Variants in KIAA0753 observed in about 807,000 individuals in gnomAD.
KIAA0753 encodes the protein protein moonraker.
Under a neutral mutation model 116.9 loss-of-function variants are expected in KIAA0753, and 114 were observed. That is an observed-to-expected ratio of 0.98 (90% CI 0.84 to 1.14). KIAA0753 has a LOEUF of 1.14. Among genes scored for constraint, KIAA0753 ranks in the 50% most tolerant of loss-of-function variants. The pLI, the probability that KIAA0753 is intolerant of heterozygous loss-of-function variation, is 0.00. For synonymous variants in KIAA0753, 405 were observed against 413.1 expected (o/e 0.98, Z 0.24); for missense variants, 1,156 against 1,172.4 (o/e 0.99, Z 0.20).
At chr17:6,621,716 C>T (rs1448142918) in intron 6 of KIAA0753, among the ~76,000 whole-genome samples, 1 of 152,160 alleles carries the variant, frequency 6.6e-6, no homozygotes, top group Non-Finnish European at 1.5e-5. Context: ...GTTAAAGGTA[C>T]TCTTACTCAA....
intron 7 of KIAA0753, among the ~76,000 whole-genome samples, chr17:6,616,403 CTAT>C (rs5819122): frequency 0.077 from 11,733 of 152,254 alleles, 526 homozygotes; most frequent in Non-Finnish European, 0.11. Context: ...TAACTTGGTG[CTAT>C]TATTAAGAAC....
chr17:6,621,360 C>CA (rs1480692952), intron 6 of KIAA0753, among the ~76,000 whole-genome samples: 1 of 152,194 alleles, frequency 6.6e-6, no homozygotes, highest in Non-Finnish European at 1.5e-5. Flanking sequence ...CTCATAAACT[C>CA]AGTCTTTTAA....
intron 7 of KIAA0753, among the ~76,000 whole-genome samples, chr17:6,617,733 C>T (rs905517232): frequency 6.6e-6 from 1 of 152,234 alleles, no homozygotes; most frequent in Non-Finnish European, 1.5e-5. Context: ...TCCCATCCTC[C>T]ATCCTCCAGG....
At chr17:6,587,585 G>A (rs762965261) in intron 18 of KIAA0753, among the ~76,000 whole-genome samples, 2 of 152,166 alleles carry the variant, frequency 1.3e-5, no homozygotes, top group African/African-American at 4.8e-5. Context: ...CTACAGGAGC[G>A]CGTGTTAACA....
intron 3 of KIAA0753, among the ~76,000 whole-genome samples, chr17:6,627,510 C>T (rs1408294050): frequency 6.6e-6 from 1 of 152,034 alleles, no homozygotes; most frequent in Non-Finnish European, 1.5e-5. Context: ...TTACGGTAAC[C>T]CCAAATTCTC....
chr17:6,608,889 T>A (rs956410363), intron 9 of KIAA0753, among the ~76,000 whole-genome samples: 1 of 152,174 alleles, frequency 6.6e-6, no homozygotes, highest in African/African-American at 2.4e-5. Flanking sequence ...TAAAAGACAG[T>A]CCATTGTATA....
chr17:6,634,826 A>C, intron 2 of KIAA0753, 185 bp downstream of exon 2: 1 of 548,352 alleles, frequency 1.8e-6, no homozygotes, highest in East Asian at 3.0e-5. Flanking sequence ...GGTTGACTGC[A>C]ATTTGCTTTG....
At position 6,623,032 on chromosome 17, in the gene KIAA0753, G is replaced by A; in HGVS notation, c.954C>T (p.Val318=). 6.2e-7 allele frequency: 1 copy of A among 1,614,130 alleles called. No individual in the cohort carries two copies. Among genetic ancestry groups the A allele is most frequent in the Non-Finnish European group, 8.5e-7 (1 of 1,180,020 alleles). The change falls in exon 6 of 19, where the codon GTC becomes GTT. Residue 318 remains valine (V), a synonymous_variant. Coordinates refer to ENST00000361413, the MANE Select transcript of KIAA0753 (RefSeq NM_014804.3). ...GCTCCCCTCGGTCAGTAAACTGAGTGACAAACATCTGTAAGGCCCGAATGG... is the reference window on the plus strand; with the variant it reads ...GCTCCCCTCGGTCAGTAAACTGAGTAACAAACATCTGTAAGGCCCGAATGG... ...RGAIRALQMF[V]TQFTDRGEHP... is the part of the protein sequence containing the mutation.
At chr17:6,618,107 AAAG>A (rs1971056976) in intron 7 of KIAA0753, among the ~76,000 whole-genome samples, 1 of 152,058 alleles carries the variant, frequency 6.6e-6, no homozygotes, top group Non-Finnish European at 1.5e-5. Flanking sequence ...GGTCTCAAAA[AAAG>A]AAAAAAAGAA....
chr17:6,580,045 G>A (rs953460634), intron 18 of KIAA0753, among the ~76,000 whole-genome samples, 181 bp from the exon 19 acceptor site: 30 of 151,980 alleles, frequency 2.0e-4, no homozygotes, highest in African/African-American at 3.4e-4. Context: ...TTAGCCGGGC[G>A]TGGTGGCATG....
chr17:6,613,216 G>A (rs899988922), intron 7 of KIAA0753, among the ~76,000 whole-genome samples: 1 of 152,102 alleles, frequency 6.6e-6, no homozygotes, highest in African/African-American at 2.4e-5. Flanking sequence ...TACAAGGCAC[G>A]TTGGAAGAAA....
At chr17:6,606,593 A>G (rs899838549) in intron 12 of KIAA0753, among the ~76,000 whole-genome samples, 3 of 152,202 alleles carry the variant, frequency 2.0e-5, no homozygotes, top group African/African-American at 7.2e-5. Context: ...GCTAGAGAAA[A>G]GTACCTTTGA....
At position 6,582,805 on chromosome 17, in the gene KIAA0753, G is replaced by A. The variant is rs113991034; in HGVS notation, c.2787-2941C>T. Among the ~76,000 whole-genome samples the A allele has an allele frequency of 1.7e-3, 252 of 152,216 alleles. 1 individual carries two copies. The highest frequency in any genetic ancestry group is 5.3e-3 in the African/African-American group (220 of 41,534). Reference sequence around the variant, plus strand: ...TTACAACAAGTATCCATGACTTGACGTCTAACATTAATTGATATTCTTACC... The same window carrying A: ...TTACAACAAGTATCCATGACTTGACATCTAACATTAATTGATATTCTTACC... On this transcript the variant is annotated intron_variant, in intron 18 of 18. Coordinates refer to ENST00000361413, the MANE Select transcript of KIAA0753 (RefSeq NM_014804.3).
intron 3 of KIAA0753, among the ~76,000 whole-genome samples, chr17:6,626,709 T>C (rs913129719): frequency 6.6e-6 from 1 of 152,230 alleles, no homozygotes; most frequent in Admixed American, 6.5e-5. Context: ...TTAAAGTATA[T>C]GTTTACGTGT....
At chr17:6,638,015 C>T (rs1005453107) in intron 1 of KIAA0753, 1 of 152,884 alleles carries the variant, frequency 6.5e-6, no homozygotes, top group African/African-American at 2.4e-5. Flanking sequence ...GGGATACCCC[C>T]AGAGTCAGTC....
chr17:6,606,967 AG>A lies in KIAA0753; in HGVS notation c.1920-6del. ...TCAGCATCAAGCCAATCAAGCCTAG[AG>A]AACAGTATCAAGAGTCACCCCAACT... On this transcript the variant is annotated splice_region_variant and splice_polypyrimidine_tract_variant and intron_variant, in intron 11 of 18. Transcript: ENST00000361413. 6.2e-7 allele frequency: 1 copy of A among 1,611,964 alleles called. No homozygotes were observed. Among genetic ancestry groups the A allele is most frequent in the East Asian group, 2.2e-5 (1 of 44,778 alleles).
At chr17:6,617,939 C>T (rs1971042415) in intron 7 of KIAA0753, among the ~76,000 whole-genome samples, 1 of 152,140 alleles carries the variant, frequency 6.6e-6, no homozygotes, top group African/African-American at 2.4e-5. Flanking sequence ...CCCATCTCTA[C>T]TAAAAATACA....
intron 10 of KIAA0753, among the ~76,000 whole-genome samples, chr17:6,607,964 G>A (rs115527341): frequency 3.1e-3 from 469 of 152,248 alleles, no homozygotes; most frequent in African/African-American, 0.01. Context: ...GTTACATACC[G>A]TGTTCTATCT....
intron 16 of KIAA0753, among the ~76,000 whole-genome samples, 166 bp from the exon 17 acceptor site, chr17:6,590,796 G>C (rs1968940757): frequency 6.6e-6 from 1 of 152,118 alleles, no homozygotes; most frequent in Non-Finnish European, 1.5e-5. Context: ...AAATGCAAAG[G>C]TGAATTTATA....
Sources: allele counts gnomAD v4.1 joint callset (sites outside exome capture counted in the v4.1 genomes callset), GRCh38; gene constraint gnomAD v4.1.1; transcripts MANE v1.5; gene names NCBI Gene and HGNC (gene_info 2026-07-23, HGNC 2026-07-21).